The following CDKL5 variants were observed in gnomAD, a reference collection of about 807,000 sequenced individuals.
CDKL5 encodes cyclin-dependent kinase-like 5.
Under a neutral mutation model 61.7 loss-of-function variants are expected in CDKL5, and 8 were observed. The observed-to-expected ratio is 0.13, with a 90% CI of 0.08 to 0.23. The LOEUF is 0.23. CDKL5 is among the 10% of genes least tolerant of loss of function. The pLI is 1.00. For missense variants in CDKL5, 440 were observed against 734.5 expected (o/e 0.60, Z 4.63); for synonymous variants, 275 against 272.3 (o/e 1.01, Z -0.10).
At chrX:18,570,933 A>C (rs1254276321) in intron 4 of CDKL5, among the ~76,000 whole-genome samples, 2 of 111,067 alleles carry the variant, frequency 1.8e-5, no homozygotes, top group Non-Finnish European at 3.8e-5. Flanking sequence ...TTTTGTCCTC[A>C]CTCAGTGGGG....
At chrX:18,573,963 A>G (rs896880413) in intron 4 of CDKL5, among the ~76,000 whole-genome samples, 2 of 111,413 alleles carry the variant, frequency 1.8e-5, no homozygotes, top group Non-Finnish European at 3.8e-5. Flanking sequence ...CTGCATTTAG[A>G]ATCTTCCCTC....
At chrX:18,577,946 A>G (rs187043300) in intron 5 of CDKL5, among the ~76,000 whole-genome samples, 7 of 112,739 alleles carry the variant, frequency 6.2e-5, no homozygotes, top group African/African-American at 2.3e-4. Context: ...GTTTATTTTA[A>G]TTGGAAACAT....
chrX:18,543,320 TCGGTGCCAGG>T (rs1924088643), intron 3 of CDKL5, among the ~76,000 whole-genome samples: 1 of 110,162 alleles, frequency 9.1e-6, no homozygotes. Flanking sequence ...TATTTGTCTA[TCGGTGCCAGG>T]TTGAAGGCTT....
intron 3 of CDKL5, among the ~76,000 whole-genome samples, chrX:18,532,169 C>G (rs2147109928): frequency 8.9e-6 from 1 of 111,996 alleles, no homozygotes; most frequent in East Asian, 2.8e-4. Flanking sequence ...GAACCATTTT[C>G]TTAGCTGAAA....
At position 18,630,582 on chromosome X, in the gene CDKL5, A is replaced by G. The variant is rs1927205315; in HGVS notation, c.*1825A>G. ...TGAAGATTATAAAGACTAAGGTCCT[A>G]GTTTCCCTGAAGCTTAAATTGTGCA... On this transcript the variant is annotated 3_prime_UTR_variant, in exon 18 of 18. Transcript: ENST00000623535. 1.3e-6 allele frequency: 1 copy of G among 748,574 alleles called. No individual in the cohort carries two copies. Among genetic ancestry groups the G allele is most frequent in the African/African-American group, 2.3e-5 (1 of 42,645 alleles). The allele number at this position is 748,574 out of a possible 1,213,427, so 61.7% of individuals were successfully genotyped here.
At chrX:18,448,884 C>G (rs925404573) in intron 1 of CDKL5, among the ~76,000 whole-genome samples, 5 of 112,046 alleles carry the variant, frequency 4.5e-5, no homozygotes, top group Non-Finnish European at 7.5e-5. Flanking sequence ...GAGACGAAGT[C>G]TCACTCTGTT....
chrX:18,578,298 T>A (rs2147141562), intron 5 of CDKL5, among the ~76,000 whole-genome samples: 1 of 112,514 alleles, frequency 8.9e-6, no homozygotes, highest in African/African-American at 3.2e-5. Context: ...AAAAAAACAT[T>A]ATTTCATTTG....
chrX:18,608,461 T>C (rs920760393), intron 12 of CDKL5, among the ~76,000 whole-genome samples: 2 of 111,772 alleles, frequency 1.8e-5, no homozygotes, highest in Non-Finnish European at 3.8e-5. Flanking sequence ...GCTAGAGAAA[T>C]TTCAGATAAA....
intron 1 of CDKL5, among the ~76,000 whole-genome samples, chrX:18,483,061 G>A (rs1027490076): frequency 8.9e-6 from 1 of 111,906 alleles, no homozygotes; most frequent in African/African-American, 3.2e-5. Flanking sequence ...CCATTTAAAT[G>A]TAGGCTCTTT....
At chrX:18,588,405 T>G (rs2147148436) in intron 9 of CDKL5, 1 of 280,543 alleles carries the variant, frequency 3.6e-6, no homozygotes, top group African/African-American at 2.8e-5. Flanking sequence ...TATACATTTT[T>G]ACACACTAAA....
At chrX:18,482,960 T>C (rs1921642871) in intron 1 of CDKL5, among the ~76,000 whole-genome samples, 1 of 112,249 alleles carries the variant, frequency 8.9e-6, no homozygotes, top group Non-Finnish European at 1.9e-5. Flanking sequence ...TTATTTTCCT[T>C]AATAAAAATA....
At chrX:18,546,422 T>G (rs1161957285) in intron 3 of CDKL5, among the ~76,000 whole-genome samples, 1 of 109,272 alleles carries the variant, frequency 9.2e-6, no homozygotes, top group Non-Finnish European at 1.9e-5. Flanking sequence ...CCACCACACC[T>G]GGCTAATTTT....
chrX:18,608,159 G>A (rs1408976935), intron 12 of CDKL5, among the ~76,000 whole-genome samples: 2 of 111,196 alleles, frequency 1.8e-5, no homozygotes, highest in African/African-American at 3.3e-5. Context: ...TCACTTCCTT[G>A]AGAGAGAAAG....
At chrX:18,439,845 A>T (rs1276895728) in intron 1 of CDKL5, among the ~76,000 whole-genome samples, 1 of 110,335 alleles carries the variant, frequency 9.1e-6, no homozygotes, top group Non-Finnish European at 1.9e-5. Context: ...TCCAAAAAAA[A>T]AAAAAAAAGC....
chrX:18,555,464 C>T (rs1924569174), intron 3 of CDKL5, among the ~76,000 whole-genome samples: 1 of 112,029 alleles, frequency 8.9e-6, no homozygotes, highest in South Asian at 3.7e-4. Context: ...ATACTATCAA[C>T]TTCAGGATAG....
At chrX:18,542,837 C>T (rs916799706) in intron 3 of CDKL5, among the ~76,000 whole-genome samples, 10 of 110,871 alleles carry the variant, frequency 9.0e-5, no homozygotes, top group African/African-American at 3.0e-4. Context: ...CTTTTACTCA[C>T]GCTGCCTCAT....
chrX:18,586,948 T>C (rs1259740280), intron 8 of CDKL5, among the ~76,000 whole-genome samples: 4 of 112,209 alleles, frequency 3.6e-5, no homozygotes, highest in African/African-American at 1.3e-4. Context: ...GGAAATGAGA[T>C]AAATGAAATA....
chrX:18,594,551 T>C (rs1925928534), intron 9 of CDKL5, among the ~76,000 whole-genome samples: 1 of 112,164 alleles, frequency 8.9e-6, no homozygotes, highest in Non-Finnish European at 1.9e-5. Context: ...ACTTACTTTC[T>C]CTCTATTTTT....
At chrX:18,571,127 C>A (rs1925122855) in intron 4 of CDKL5, among the ~76,000 whole-genome samples, 1 of 111,295 alleles carries the variant, frequency 9.0e-6, no homozygotes, top group Non-Finnish European at 1.9e-5. Flanking sequence ...AGATGATGGA[C>A]CTCAGGCTCA....
Sources: allele counts gnomAD v4.1 joint callset (sites outside exome capture counted in the v4.1 genomes callset), GRCh38; gene constraint gnomAD v4.1.1; transcripts MANE v1.5; gene names NCBI Gene and HGNC (gene_info 2026-07-23, HGNC 2026-07-21).